The following VPS13B variants were observed in gnomAD, a reference collection of about 807,000 sequenced individuals.
The protein encoded by VPS13B is intermembrane lipid transfer protein VPS13B.
VPS13B carries 285 observed loss-of-function variants against 426.4 expected under a neutral mutation model. That is an observed-to-expected ratio of 0.67 (90% CI 0.61 to 0.74). The LOEUF (loss-of-function observed/expected upper bound fraction) is 0.74, where lower values mean the gene tolerates loss of function less well. Ranked by LOEUF, VPS13B falls within the 30% of genes least tolerant of loss-of-function variation. The pLI is 0.00. For missense variants in VPS13B, 4,537 were observed against 4,782.6 expected (o/e 0.95, Z 1.51); for synonymous variants, 1,676 against 1,676.4 (o/e 1.00, Z 0.01).
At chr8:99,550,929 A>G (rs551316286) in intron 30 of VPS13B, among the ~76,000 whole-genome samples, 6 of 152,228 alleles carry the variant, frequency 3.9e-5, no homozygotes, top group African/African-American at 1.4e-4. Context: ...ACTGAAATGT[A>G]CTGAGGCTAG....
intron 36 of VPS13B, among the ~76,000 whole-genome samples, chr8:99,711,342 C>T (rs1474590379): frequency 6.6e-6 from 1 of 152,132 alleles, no homozygotes; most frequent in Non-Finnish European, 1.5e-5. Context: ...AAGGACCAGG[C>T]AGGATATATT....
intron 21 of VPS13B, among the ~76,000 whole-genome samples, chr8:99,420,344 A>C (rs916691287): frequency 6.6e-6 from 1 of 152,156 alleles, no homozygotes; most frequent in Non-Finnish European, 1.5e-5. Context: ...TTAATCATTG[A>C]CATCATTATT....
chr8:99,213,900 T>C (rs1409562835), intron 17 of VPS13B, among the ~76,000 whole-genome samples: 1 of 151,984 alleles, frequency 6.6e-6, no homozygotes, highest in Non-Finnish European at 1.5e-5. Flanking sequence ...AATTTCCCTT[T>C]CTAGACTCCC....
At chr8:99,368,366 A>G (rs1813000310) in intron 19 of VPS13B, among the ~76,000 whole-genome samples, 2 of 152,286 alleles carry the variant, frequency 1.3e-5, no homozygotes, top group East Asian at 3.9e-4. Context: ...TGTATTTTAA[A>G]TGCTTCTCAA....
At chr8:99,548,640 A>G (rs1176653633) in intron 30 of VPS13B, among the ~76,000 whole-genome samples, 3 of 151,982 alleles carry the variant, frequency 2.0e-5, no homozygotes, top group African/African-American at 7.2e-5. Flanking sequence ...ATATTTCATA[A>G]TAACCGAAAT....
chr8:99,117,739 C>T (rs901583133), intron 7 of VPS13B, among the ~76,000 whole-genome samples: 1 of 152,068 alleles, frequency 6.6e-6, no homozygotes, highest in Non-Finnish European at 1.5e-5. Flanking sequence ...TCATAATAGG[C>T]AGTTCTGTAG....
At chr8:99,737,103 C>CTTTT (rs1156447524) in intron 39 of VPS13B, among the ~76,000 whole-genome samples, 6 of 50,642 alleles carry the variant, frequency 1.2e-4, no homozygotes, top group Admixed American at 4.4e-4. Flanking sequence ...TGAAGATGTC[C>CTTTT]TTCTTTTTTT....
chr8:99,431,723 G>A, intron 22 of VPS13B, 59 bp downstream of exon 22: 9 of 1,546,210 alleles, frequency 5.8e-6, no homozygotes, highest in African/African-American at 1.4e-5. Flanking sequence ...TTAATTCCCA[G>A]CATTGTTAAT....
chr8:99,474,183 A>ATTTTTTTTTTTTTTTTT (rs34752686), intron 24 of VPS13B, among the ~76,000 whole-genome samples: 1,777 of 124,754 alleles, frequency 0.014, 92 homozygotes, highest in African/African-American at 0.025. Context: ...CTGTTATCCA[A>ATTTTTTTTTTTTTTTTT]TTTTTTTTTT....
intron 35 of VPS13B, among the ~76,000 whole-genome samples, chr8:99,693,870 A>G (rs1227279041): frequency 6.7e-6 from 1 of 148,434 alleles, no homozygotes; most frequent in Non-Finnish European, 1.5e-5. Context: ...AAATGAATGT[A>G]CAAAAATCAC....
At position 99,086,839 on chromosome 8, in the gene VPS13B, G is replaced by C. The variant is rs544382362; in HGVS notation, c.292-9473G>C. The stretch of plus-strand genomic sequence containing the variant: ...GGAAGCTTTGTCTCAGAGGAGTACC[G>C]GGCTGTGTGAGGTGTCAGTCTGCCC... On this transcript the variant is annotated intron_variant, in intron 3 of 61. Transcript: ENST00000357162. Among the ~76,000 whole-genome samples, 152 of 152,224 alleles carry C rather than the reference G, an allele frequency of 1.0e-3. 1 individual carries two copies. Among genetic ancestry groups the C allele is most frequent in the African/African-American group, 3.5e-3 (147 of 41,552 alleles).
At chr8:99,589,200 C>T (rs1282192884) in intron 33 of VPS13B, among the ~76,000 whole-genome samples, 1 of 151,600 alleles carries the variant, frequency 6.6e-6, no homozygotes, top group Non-Finnish European at 1.5e-5. Context: ...TTTGATTTTC[C>T]AGTATTTTTT....
chr8:99,090,901 A>G (rs897415754), intron 3 of VPS13B, among the ~76,000 whole-genome samples: 2 of 152,016 alleles, frequency 1.3e-5, no homozygotes, highest in Non-Finnish European at 2.9e-5. Flanking sequence ...TTCACCTTCT[A>G]AATCTTAGAG....
intron 34 of VPS13B, among the ~76,000 whole-genome samples, chr8:99,658,239 A>G (rs1830092367): frequency 1.3e-5 from 2 of 152,214 alleles, no homozygotes; most frequent in Admixed American, 1.3e-4. Context: ...TGCAAAAAGC[A>G]TCAGAATACA....
intron 35 of VPS13B, among the ~76,000 whole-genome samples, chr8:99,688,585 T>C (rs1384365591): frequency 1.3e-5 from 2 of 151,954 alleles, no homozygotes; most frequent in African/African-American, 4.8e-5. Context: ...AGTTAATGGA[T>C]TGCTTGGATA....
chr8:99,292,728 G>A (rs1215791721), intron 19 of VPS13B, among the ~76,000 whole-genome samples: 2 of 151,916 alleles, frequency 1.3e-5, no homozygotes. Context: ...CACCTTAAAT[G>A]GAATCTAAAA....
At chr8:99,522,964 C>G (rs1376854381) in intron 30 of VPS13B, among the ~76,000 whole-genome samples, 1 of 152,118 alleles carries the variant, frequency 6.6e-6, no homozygotes, top group Non-Finnish European at 1.5e-5. Context: ...GCAAAAGACC[C>G]TGCATACTAG....
At chr8:99,650,867 A>G (rs977944594) in intron 34 of VPS13B, among the ~76,000 whole-genome samples, 9 of 152,166 alleles carry the variant, frequency 5.9e-5, no homozygotes, top group Admixed American at 4.6e-4. Flanking sequence ...AGTATTCCAA[A>G]CAAAATTGCA....
chr8:99,430,722 TTTG>T (rs1168354541), intron 21 of VPS13B, among the ~76,000 whole-genome samples: 1 of 147,816 alleles, frequency 6.8e-6, no homozygotes, highest in Non-Finnish European at 1.5e-5. Context: ...CAACTTTTTT[TTTG>T]TTGTTGTTGA....
Sources: gnomAD v4.1 joint callset for allele counts (sites outside exome capture counted in the v4.1 genomes callset) on GRCh38, gnomAD v4.1.1 for gene constraint, MANE v1.5 for transcripts, NCBI Gene and HGNC (gene_info 2026-07-23, HGNC 2026-07-21) for gene names.